Variants in ABCB1 observed in about 807,000 individuals in gnomAD.
ABCB1 encodes ATP-dependent translocase ABCB1.
In ABCB1, 69 loss-of-function variants were observed where a neutral mutation model predicts 142.0. The ratio of observed to expected loss-of-function variants is 0.49; its 90% CI spans 0.40 to 0.59. ABCB1 has a LOEUF of 0.59. ABCB1 is among the 20% of genes least tolerant of loss of function. The pLI is 0.00. For missense variants in ABCB1, 1,326 were observed against 1,554.7 expected, an observed-to-expected ratio of 0.85 and a Z score of 2.47; for synonymous variants, 532 against 539.2, an observed-to-expected ratio of 0.99 and a Z score of 0.18.
rs192628028 is a variant in ABCB1, at chr7:87,611,679, A to T, written c.-330-10601T>A. ...GCTAGAAAATAGCATGTATTTTAAAAATATATTTTTAAATGCTTACAGCAA... is the reference window on the plus strand; with the variant it reads ...GCTAGAAAATAGCATGTATTTTAAATATATATTTTTAAATGCTTACAGCAA... On this transcript the variant is annotated intron_variant, in intron 1 of 28. Coordinates refer to the ABCB1 transcript ENST00000265724. Among the ~76,000 whole-genome samples, 452 of 152,226 alleles carry T rather than the reference A, an allele frequency of 3.0e-3. 2 individuals are homozygous for T. Among genetic ancestry groups the T allele is most frequent in the African/African-American group, 0.01 (436 of 41,538 alleles).
At chr7:87,550,986 A>C (rs1276635219) in intron 9 of ABCB1, 148 bp from the exon 10 acceptor site, 2 of 652,666 alleles carry the variant, frequency 3.1e-6, no homozygotes, top group Non-Finnish European at 5.4e-6. Context: ...ATATTTTAAA[A>C]GTTTGTAACT....
Position 87,626,737 on chromosome 7 carries a change from G to GTGTCATATATATGTCATATATA in ABCB1, c.-330-25681_-330-25660dup, listed in dbSNP as rs1257710271. On this transcript the variant is annotated intron_variant, in intron 1 of 28. Transcript: ENST00000265724. ...TGTCATATATATGTGTCATATATAT[G>GTGTCATATATATGTCATATATA]TGTCATATATATGTCATATATATGT... Among the ~76,000 whole-genome samples the GTGTCATATATATGTCATATATA allele has an allele frequency of 4.4e-4, 42 of 95,744 alleles. 4 individuals are homozygous for GTGTCATATATATGTCATATATA. The highest frequency in any genetic ancestry group is 1.6e-3 in the South Asian group (5 of 3,044). The allele number at this position is 95,744 out of a possible 152,430, so 62.8% of individuals were successfully genotyped here. A position where few individuals can be genotyped will look rare whatever the true frequency, so the allele number is the denominator to read the frequency against.
rs28381785 is a variant in ABCB1, at chr7:87,608,953, T to C, written c.-330-7875A>G. On this transcript the variant is annotated intron_variant, in intron 1 of 28. Coordinates refer to the ABCB1 transcript ENST00000265724. ...GGAAACTCATTCATTCACTCAACAG[T>C]ATTAATCAAGTACCCTGTATATGTC... Among the ~76,000 whole-genome samples, 690 of 152,340 alleles carry C rather than the reference T, an allele frequency of 4.5e-3. 5 individuals are homozygous for C. Among genetic ancestry groups the C allele is most frequent in the African/African-American group, 0.015 (640 of 41,588 alleles).
In ABCB1 at chr7:87,522,756, T is replaced by TA. The variant is rs201647811; in HGVS notation, c.2686-1881dup. 2.0e-3 allele frequency among the ~76,000 whole-genome samples: 307 copies of TA among 151,446 alleles called. 1 individual carries two copies. The highest frequency in any genetic ancestry group is 6.3e-3 in the African/African-American group (261 of 41,326). On this transcript the variant is annotated intron_variant, in intron 21 of 27. Coordinates refer to ENST00000622132, the MANE Select transcript of ABCB1 (RefSeq NM_001348946.2). ...TGCTGAATAAATGTGTCCTTTTTTT[T>TA]AAAAAAAAAGTATATTTTACACATT...
chr7:87,679,529 A>G (rs975937504), intron 1 of ABCB1, among the ~76,000 whole-genome samples: 1 of 150,078 alleles, frequency 6.7e-6, no homozygotes, highest in Non-Finnish European at 1.5e-5. Flanking sequence ...AGCTGGGACT[A>G]CAGGCACACA....
At chr7:87,613,011 G>GT (rs71117545) in intron 1 of ABCB1, among the ~76,000 whole-genome samples, 7,332 of 134,746 alleles carry the variant, frequency 0.054, 197 homozygotes, top group Middle Eastern at 0.075. Context: ...GTTTTGGTGG[G>GT]TTTTTTTTTT....
rs71117547 is a variant in ABCB1, at chr7:87,639,153, C to CAAAA, written c.-330-38079_-330-38076dup. On this transcript the variant is annotated intron_variant, in intron 1 of 28. Transcript: ENST00000265724. ...TGGGCGACAGAGTGAGACTCCGTCT[C>CAAAA]AAAAAAAAAAAAAAAAAAAAAAATC... Among the ~76,000 whole-genome samples the CAAAA allele has an allele frequency of 3.7e-3, 327 of 87,686 alleles. 8 individuals are homozygous for CAAAA. Among genetic ancestry groups the CAAAA allele is most frequent in the African/African-American group, 0.014 (302 of 21,370 alleles). The allele number at this position is 87,686 out of a possible 152,430, so 57.5% of individuals were successfully genotyped here.
At chr7:87,656,068 T>A (rs746839570) in intron 1 of ABCB1, among the ~76,000 whole-genome samples, 3 of 152,080 alleles carry the variant, frequency 2.0e-5, no homozygotes, top group Admixed American at 6.6e-5. Flanking sequence ...TCTAGAACTA[T>A]GAGAAATAAA....
upstream of ABCB1, among the ~76,000 whole-genome samples, chr7:87,602,110 C>T (rs1819480922): frequency 6.6e-6 from 1 of 152,082 alleles, no homozygotes; most frequent in Non-Finnish European, 1.5e-5. Flanking sequence ...TCTCCTGCCT[C>T]AGCCTCCCAG....
intron 9 of ABCB1, among the ~76,000 whole-genome samples, chr7:87,552,382 C>A (rs149771885): frequency 1.3e-5 from 2 of 152,078 alleles, no homozygotes. Context: ...AGGGTTCATT[C>A]CTGTCATATC....
intron 9 of ABCB1, among the ~76,000 whole-genome samples, chr7:87,551,175 T>A (rs1185766669): frequency 6.6e-6 from 1 of 151,802 alleles, no homozygotes; most frequent in Non-Finnish European, 1.5e-5. Context: ...GCATGCACCA[T>A]CACACCTGAC....
chr7:87,659,288 T>C (rs1419656735), intron 1 of ABCB1: 2 of 377,910 alleles, frequency 5.3e-6, no homozygotes, highest in African/African-American at 4.3e-5. Flanking sequence ...CTGTTCTTGG[T>C]TTCTCTGTTT....
chr7:87,702,221 T>C (rs187942681), intron 1 of ABCB1, among the ~76,000 whole-genome samples: 45 of 151,524 alleles, frequency 3.0e-4, no homozygotes, highest in African/African-American at 1.1e-3. Context: ...TAGTTATTTT[T>C]CATAAAAATG....
chr7:87,628,076 G>T (rs1172619786), intron 1 of ABCB1, among the ~76,000 whole-genome samples: 1 of 152,188 alleles, frequency 6.6e-6, no homozygotes, highest in Non-Finnish European at 1.5e-5. Context: ...TGAAGCTACG[G>T]CAGCCACGCA....
chr7:87,561,456 A>C, intron 7 of ABCB1, 69 bp from the exon 8 acceptor site: 1 of 1,447,358 alleles, frequency 6.9e-7, no homozygotes, highest in Non-Finnish European at 9.5e-7. Flanking sequence ...AGTAAAAATA[A>C]ATGTATACAT....
At chr7:87,550,978 A>G (rs759654390) in intron 9 of ABCB1, 140 bp from the exon 10 acceptor site, 1 of 658,166 alleles carries the variant, frequency 1.5e-6, no homozygotes, top group Non-Finnish European at 2.7e-6. Flanking sequence ...TGTTAAAAAT[A>G]TTTTAAAAGT....
Position 87,526,693 on chromosome 7 carries a change from T to C in ABCB1, c.2685+4601A>G, listed in dbSNP as rs147915235. Among the ~76,000 whole-genome samples the C allele has an allele frequency of 3.3e-4, 51 of 152,308 alleles. 1 individual carries two copies. The East Asian group carries it at 9.5e-3, about 28-fold the overall frequency. The stretch of plus-strand genomic sequence containing the variant: ...AGAACTTTAAAAGGCAGTCCGTTAC[T>C]GTCTAAGTACTTTCTGACTTCAAGA... On this transcript the variant is annotated intron_variant, in intron 21 of 27. Coordinates refer to ENST00000622132, the MANE Select transcript of ABCB1 (RefSeq NM_001348946.2).
At chr7:87,624,210 G>A (rs552861182) in intron 1 of ABCB1, among the ~76,000 whole-genome samples, 3 of 152,214 alleles carry the variant, frequency 2.0e-5, no homozygotes, top group Admixed American at 6.5e-5. Context: ...CATGTGAGAC[G>A]TGCCTCACCC....
chr7:87,672,824 A>T (rs2157929), intron 1 of ABCB1, among the ~76,000 whole-genome samples: 1 of 151,514 alleles, frequency 6.6e-6, no homozygotes, highest in African/African-American at 2.4e-5. Context: ...GCTCTGCGTT[A>T]CTCCTGGGTG....
Sources: gnomAD v4.1 joint callset for allele counts (sites outside exome capture counted in the v4.1 genomes callset) on GRCh38, gnomAD v4.1.1 for gene constraint, MANE v1.5 for transcripts, NCBI Gene and HGNC (gene_info 2026-07-23, HGNC 2026-07-21) for gene names.